The following STIM1 variants were observed in gnomAD, a reference collection of about 807,000 sequenced individuals.
STIM1 encodes stromal interaction molecule 1.
In STIM1, 25 loss-of-function variants were observed where a neutral mutation model predicts 74.7. The observed-to-expected ratio is 0.33, with a 90% CI of 0.24 to 0.47. The LOEUF is 0.47. Ranked by LOEUF, STIM1 falls within the 20% of genes least tolerant of loss-of-function variation. STIM1 has a pLI of 1.00. For missense variants in STIM1, 728 were observed against 920.8 expected (o/e 0.79, Z 2.71); for synonymous variants, 328 against 348.8 (o/e 0.94, Z 0.66).
chr11:3,991,269 C>T (rs2093609056), intron 2 of STIM1, among the ~76,000 whole-genome samples: 1 of 150,052 alleles, frequency 6.7e-6, no homozygotes, highest in Admixed American at 6.7e-5. Flanking sequence ...CTCCTGGGCT[C>T]AAGCATTCCT....
chr11:4,091,157 C>T (rs750716070), intron 12 of STIM1, 125 bp from the exon 13 acceptor site: 29 of 1,326,224 alleles, frequency 2.2e-5, no homozygotes, highest in South Asian at 7.1e-5. Flanking sequence ...TCTCTCCTGC[C>T]GCTCTATCCC....
chr11:4,029,054 G>A (rs899963524), intron 3 of STIM1, among the ~76,000 whole-genome samples: 1 of 151,996 alleles, frequency 6.6e-6, no homozygotes, highest in Non-Finnish European at 1.5e-5. Flanking sequence ...CAGGTGTGGT[G>A]GTGGGCACCT....
intron 3 of STIM1, among the ~76,000 whole-genome samples, chr11:4,046,059 CTT>C (rs35783768): frequency 3.4e-5 from 2 of 59,072 alleles, no homozygotes; most frequent in Non-Finnish European, 3.0e-5. Flanking sequence ...CGTGAGCTAC[CTT>C]TTTTTTTTTT....
Position 4,082,913 on chromosome 11 carries a change from T to C in STIM1, c.1169T>C (p.Leu390Pro). ...AAGATAAAAAAGAAGAGAAACACACTCTTTGGCACCTTCCACGTGGCCCAC... is the reference window on the plus strand; with the variant it reads ...AAGATAAAAAAGAAGAGAAACACACCCTTTGGCACCTTCCACGTGGCCCAC... ...AEKIKKKRNTLFGTFHVAHSS... is the reference protein window; with the variant it reads ...AEKIKKKRNTPFGTFHVAHSS... The change falls in exon 9 of 13, where the codon CTC becomes CCC. Residue 390 changes from leucine to proline, a missense_variant. Leu to Pro is a moderately conservative substitution (Grantham distance 98). This residue lies in a region of STIM1 where 131 missense variants were observed against 235.9 expected (regional missense o/e 0.56). Transcript: ENST00000526596. 6.2e-7 allele frequency: 1 copy of C among 1,614,114 alleles called. No homozygotes were observed. Among genetic ancestry groups the C allele is most frequent in the Non-Finnish European group, 8.5e-7 (1 of 1,180,018 alleles).
chr11:3,886,324 AT>A (rs577869081), intron 1 of STIM1, among the ~76,000 whole-genome samples: 39 of 150,586 alleles, frequency 2.6e-4, no homozygotes, highest in African/African-American at 8.0e-4. Context: ...AGGGAAGTTG[AT>A]TTTTTTTTTA....
chr11:3,965,198 G>A (rs1457277773), intron 1 of STIM1, among the ~76,000 whole-genome samples: 2 of 152,268 alleles, frequency 1.3e-5, no homozygotes, highest in South Asian at 2.1e-4. Flanking sequence ...TTTTGTCTAC[G>A]GATGCTTTTG....
At chr11:4,077,575 A>C (rs1416350470) in intron 7 of STIM1, among the ~76,000 whole-genome samples, 1 of 152,180 alleles carries the variant, frequency 6.6e-6, no homozygotes, top group Admixed American at 6.5e-5. Context: ...TAACTCTAGA[A>C]TATACATTCT....
At chr11:4,000,660 ACT>A (rs1315977311) in intron 2 of STIM1, among the ~76,000 whole-genome samples, 1 of 152,144 alleles carries the variant, frequency 6.6e-6, no homozygotes, top group East Asian at 1.9e-4. Flanking sequence ...AAAACTGGAA[ACT>A]CTAAAAAGCA....
chr11:3,986,688 G>A (rs557821726), intron 2 of STIM1, among the ~76,000 whole-genome samples: 7 of 152,222 alleles, frequency 4.6e-5, no homozygotes, highest in African/African-American at 1.7e-4. Flanking sequence ...ACGAGTAAAG[G>A]CAGGAGGCAA....
chr11:4,089,251 A>G (rs2081947167), intron 12 of STIM1, among the ~76,000 whole-genome samples: 1 of 152,158 alleles, frequency 6.6e-6, no homozygotes. Context: ...GATGGATAGG[A>G]ATCAAGATGA....
At chr11:3,895,588 A>C (rs2092038491) in intron 1 of STIM1, among the ~76,000 whole-genome samples, 2 of 123,064 alleles carry the variant, frequency 1.6e-5, no homozygotes, top group South Asian at 2.5e-4. Context: ...GGTTCCGGGA[A>C]TAGTGTTCTT....
chr11:3,895,058 C>T (rs12294802), intron 1 of STIM1, among the ~76,000 whole-genome samples: 147 of 152,194 alleles, frequency 9.7e-4, no homozygotes, highest in African/African-American at 3.3e-3. Flanking sequence ...CGACCCTGTT[C>T]TAAGGAAGGC....
intron 2 of STIM1, among the ~76,000 whole-genome samples, chr11:4,008,849 T>C (rs1047588733): frequency 6.6e-6 from 1 of 152,164 alleles, no homozygotes; most frequent in Non-Finnish European, 1.5e-5. Context: ...CAGCCAGGAA[T>C]TGATTTTTTT....
chr11:4,011,581 T>C (rs2093836685), intron 2 of STIM1, among the ~76,000 whole-genome samples: 1 of 152,232 alleles, frequency 6.6e-6, no homozygotes. Flanking sequence ...TGTTTGTTTT[T>C]TTCTTGTAAA....
At chr11:3,988,019 G>A (rs896525060) in intron 2 of STIM1, among the ~76,000 whole-genome samples, 9 of 152,114 alleles carry the variant, frequency 5.9e-5, no homozygotes, top group Non-Finnish European at 1.0e-4. Flanking sequence ...CATTTATAAG[G>A]AACACGTGAT....
At chr11:3,862,755 C>G (rs1374991621) in intron 1 of STIM1, among the ~76,000 whole-genome samples, 2 of 151,582 alleles carry the variant, frequency 1.3e-5, no homozygotes, top group African/African-American at 4.9e-5. Flanking sequence ...CAAGTAGTCC[C>G]CTCTTATCTG....
At chr11:4,078,125 AT>A (rs1378789680) in intron 7 of STIM1, among the ~76,000 whole-genome samples, 32 of 152,258 alleles carry the variant, frequency 2.1e-4, no homozygotes, top group South Asian at 8.3e-4. Context: ...GCTCCAGATG[AT>A]TTTCTCTTCC....
At chr11:3,887,620 T>G (rs2091757266) in intron 1 of STIM1, among the ~76,000 whole-genome samples, 1 of 152,148 alleles carries the variant, frequency 6.6e-6, no homozygotes. Flanking sequence ...AATGCTACTT[T>G]TGGGGTATGG....
rs570189606 is a variant in STIM1 at position 3,941,058 on chromosome 11, G to A, written c.140-26494G>A. Reference sequence around the variant, plus strand: ...GAGATGTTGATAATGATACCTCATAGGGTTGTTGTGAGGATGAATGAGGTA... The same window carrying A: ...GAGATGTTGATAATGATACCTCATAAGGTTGTTGTGAGGATGAATGAGGTA... On this transcript the variant is annotated intron_variant, in intron 1 of 12. Coordinates refer to ENST00000526596, the MANE Select transcript of STIM1 (RefSeq NM_001382567.1). 2.6e-5 allele frequency among the ~76,000 whole-genome samples: 4 copies of A among 152,238 alleles called. No individual in the cohort carries two copies. In the South Asian group the frequency reaches 8.3e-4, roughly 32 times the overall value.
Sources: gnomAD v4.1 joint callset for allele counts (sites outside exome capture counted in the v4.1 genomes callset) on GRCh38, gnomAD v4.1.1 for gene constraint, gnomAD v4.1.1 regional missense constraint, MANE v1.5 for transcripts, NCBI Gene and HGNC (gene_info 2026-07-23, HGNC 2026-07-21) for gene names.